The following SAV1 variants were observed in gnomAD, a reference collection of about 807,000 sequenced individuals.
The protein encoded by SAV1 is salvador family WW domain containing protein 1.
A neutral mutation model predicts 47.3 loss-of-function variants in SAV1; 23 were observed. That is an observed-to-expected ratio of 0.49 (90% CI 0.35 to 0.69). The LOEUF (loss-of-function observed/expected upper bound fraction) is 0.69, where lower values mean the gene tolerates loss of function less well. Among genes scored for constraint, SAV1 ranks in the 30% least tolerant of loss-of-function variants. SAV1 has a pLI of 0.01. For synonymous variants in SAV1, 155 were observed against 159.2 expected, an observed-to-expected ratio of 0.97 and a Z score of 0.20; for missense variants, 448 against 457.4, an observed-to-expected ratio of 0.98 and a Z score of 0.19.
At chr14:50,653,957 T>TA (rs753370487) in intron 2 of SAV1, among the ~76,000 whole-genome samples, 5 of 152,004 alleles carry the variant, frequency 3.3e-5, no homozygotes, top group Admixed American at 2.6e-4. Flanking sequence ...CAGGTCTTAA[T>TA]AAAAAAAATT....
intron 2 of SAV1, among the ~76,000 whole-genome samples, chr14:50,664,045 T>C (rs956135058): frequency 2.6e-5 from 4 of 152,232 alleles, no homozygotes; most frequent in African/African-American, 9.6e-5. Flanking sequence ...GTCCTACCTC[T>C]TCCATGAATC....
At chr14:50,635,856 T>C (rs1047380011) in intron 4 of SAV1, among the ~76,000 whole-genome samples, 2 of 152,036 alleles carry the variant, frequency 1.3e-5, no homozygotes, top group African/African-American at 4.8e-5. Context: ...ATTACAGGCA[T>C]GCGCCACCAT....
chr14:50,650,602 C>G (rs1163440759), intron 2 of SAV1, among the ~76,000 whole-genome samples: 1 of 152,178 alleles, frequency 6.6e-6, no homozygotes, highest in African/African-American at 2.4e-5. Context: ...GTCAAGTGTA[C>G]TTGCTCTCTC....
intron 2 of SAV1, among the ~76,000 whole-genome samples, chr14:50,663,535 T>C (rs2039877152): frequency 6.6e-6 from 1 of 152,136 alleles, no homozygotes; most frequent in Non-Finnish European, 1.5e-5. Context: ...CTAGAAAACC[T>C]CTCCTCTACA....
chr14:50,667,487 A>G, intron 1 of SAV1: 1 of 459,778 alleles, frequency 2.2e-6, no homozygotes, highest in South Asian at 1.5e-5. Context: ...AACATGACGC[A>G]CATCTCGACG....
At position 50,668,048 on chromosome 14, in the gene SAV1, TCCGCCGGCGCCG is replaced by T. The variant is rs2039919996; in HGVS notation, c.-93_-82del. ...GGCGCCGGCCGTCTCCGCCGCCACC[TCCGCCGGCGCCG>T]CCGCCTCCTTCCCTCCCGAGCCGCC... On this transcript the variant is annotated 5_prime_UTR_variant, in exon 1 of 5. Coordinates refer to ENST00000324679, the MANE Select transcript of SAV1 (RefSeq NM_021818.4). The T allele has an allele frequency of 4.1e-6, 4 of 973,404 alleles. No individual in the cohort carries two copies. The South Asian group carries it at 8.4e-5, about 20-fold the overall frequency. The allele number at this position is 973,404 out of a possible 1,614,324, so 60.3% of individuals were successfully genotyped here.
chr14:50,668,151 A>C lies in SAV1; in HGVS notation c.-184T>G. 3.2e-6 allele frequency: 1 copy of C among 316,726 alleles called. No homozygotes were observed. The highest frequency in any genetic ancestry group is 5.6e-6 in the Non-Finnish European group (1 of 177,728). The allele number at this position is 316,726 out of a possible 1,614,324, so 19.6% of individuals were successfully genotyped here. On this transcript the variant is annotated 5_prime_UTR_variant, in exon 1 of 5. The change abolishes the stop of an existing upstream ORF in the 5' untranslated region. Transcript: ENST00000324679. ...GGGACTGCCGCATGTTCAGGGCGCT[A>C]AGCGCGCCGGCCGCCGCTCAGTCGC...
chr14:50,664,927 A>T (rs2039888272), intron 2 of SAV1: 1 of 331,910 alleles, frequency 3.0e-6, no homozygotes, highest in East Asian at 6.5e-5. Flanking sequence ...CACAGCATTA[A>T]GAGTCTAGAC....
chr14:50,653,129 G>A (rs1454852650), intron 2 of SAV1, among the ~76,000 whole-genome samples: 1 of 152,038 alleles, frequency 6.6e-6, no homozygotes, highest in Admixed American at 6.6e-5. Flanking sequence ...ACAAAAGACT[G>A]AGAAACTAGC....
chr14:50,650,448 A>T (rs2140255600), intron 2 of SAV1, among the ~76,000 whole-genome samples: 1 of 152,364 alleles, frequency 6.6e-6, no homozygotes, highest in East Asian at 1.9e-4. Context: ...TGTAGTAGCC[A>T]GCCAGTAAGG....
chr14:50,665,566 T>TATC lies in SAV1; in HGVS notation c.145_147dup (p.Asp49dup), dbSNP rs778064446. Reference sequence around the variant, plus strand: ...TTAGGGCTTGAATCTGGAAGACAGATATCAGTTCGTCTTGGAATTGTTGGA... The same window carrying TATC: ...TTAGGGCTTGAATCTGGAAGACAGATATCATCAGTTCGTCTTGGAATTGTTGGA... On this transcript the variant is annotated inframe_insertion, in exon 2 of 5. Coordinates refer to ENST00000324679, the MANE Select transcript of SAV1 (RefSeq NM_021818.4). 114 of 1,613,618 alleles carry TATC rather than the reference T, an allele frequency of 7.1e-5. 1 individual carries two copies. Among genetic ancestry groups the TATC allele is most frequent in the Admixed American group, 1.3e-4 (8 of 59,956 alleles).
At chr14:50,667,816 G>T in intron 1 of SAV1, 58 bp downstream of exon 1, 1 of 1,423,900 alleles carries the variant, frequency 7.0e-7, no homozygotes, top group Non-Finnish European at 9.8e-7. Flanking sequence ...CCCCGCCAGG[G>T]TCCCCGGAGC....
chr14:50,641,854 G>A (rs985624026), intron 3 of SAV1, among the ~76,000 whole-genome samples: 1 of 152,144 alleles, frequency 6.6e-6, no homozygotes, highest in South Asian at 2.1e-4. Context: ...TCCCATTAAT[G>A]GGACTATTTC....
intron 2 of SAV1, among the ~76,000 whole-genome samples, chr14:50,653,667 G>A (rs146043484): frequency 0.05 from 7,538 of 152,052 alleles, 203 homozygotes; most frequent in African/African-American, 0.068. Context: ...TCAAGAGATC[G>A]AGACCATCCT....
chr14:50,650,829 C>T (rs1161660205), intron 2 of SAV1, among the ~76,000 whole-genome samples: 4 of 152,046 alleles, frequency 2.6e-5, no homozygotes, highest in African/African-American at 9.7e-5. Context: ...TGAGACCAGC[C>T]GGGCCAAGAC....
intron 2 of SAV1, among the ~76,000 whole-genome samples, chr14:50,651,486 C>A (rs1266779211): frequency 6.6e-6 from 1 of 151,910 alleles, no homozygotes; most frequent in Non-Finnish European, 1.5e-5. Context: ...ATGTAACTTA[C>A]AACAAAATTA....
chr14:50,646,620 G>A (rs2039724039), intron 2 of SAV1, among the ~76,000 whole-genome samples: 1 of 150,496 alleles, frequency 6.6e-6, no homozygotes, highest in Non-Finnish European at 1.5e-5. Context: ...CGAGAGCAGA[G>A]GTTGCAGTGA....
rs2039921683 is a variant in SAV1 at position 50,668,167 on chromosome 14, G to T, written c.-200C>A. 1 of 299,440 alleles carries T rather than the reference G, an allele frequency of 3.3e-6. No individual in the cohort carries two copies. The highest frequency in any genetic ancestry group is 6.0e-6 in the Non-Finnish European group (1 of 165,652). The allele number at this position is 299,440 out of a possible 1,614,324, so 18.5% of individuals were successfully genotyped here. On this transcript the variant is annotated 5_prime_UTR_variant, in exon 1 of 5. Coordinates refer to ENST00000324679, the MANE Select transcript of SAV1 (RefSeq NM_021818.4). ...CAGGGCGCTAAGCGCGCCGGCCGCC[G>T]CTCAGTCGCTGGTCAGTTCCTTCCC...
At chr14:50,667,835 G>A (rs769488439) in intron 1 of SAV1, 39 bp downstream of exon 1, 12 of 1,564,604 alleles carry the variant, frequency 7.7e-6, no homozygotes, top group Non-Finnish European at 8.8e-7. Context: ...GCACCTGGCC[G>A]CCTGGGCCAG....
Sources: allele counts gnomAD v4.1 joint callset (sites outside exome capture counted in the v4.1 genomes callset), GRCh38; gene constraint gnomAD v4.1.1; transcripts MANE v1.5; gene names NCBI Gene and HGNC (gene_info 2026-07-23, HGNC 2026-07-21).